The following RYK variants were observed in gnomAD, a reference collection of about 807,000 sequenced individuals.
The protein encoded by RYK is inactive tyrosine-protein kinase RYK.
Under a neutral mutation model 70.2 loss-of-function variants are expected in RYK, and 21 were observed. The ratio of observed to expected loss-of-function variants is 0.30; its 90% CI spans 0.21 to 0.43. RYK has a LOEUF of 0.43. Among genes scored for constraint, RYK ranks in the 20% least tolerant of loss-of-function variants. RYK has a pLI of 1.00. For missense variants in RYK, 604 were observed against 753.3 expected (o/e 0.80, Z 2.32); for synonymous variants, 267 against 278.0 (o/e 0.96, Z 0.39).
intron 10 of RYK, chr3:134,178,855 A>G (rs528995952): frequency 1.2e-4 from 19 of 152,362 alleles, no homozygotes; most frequent in African/African-American, 4.3e-4. Flanking sequence ...AACTTTTTAC[A>G]TAATTATATC....
chr3:134,199,089 T>C (rs1032868282), intron 6 of RYK, among the ~76,000 whole-genome samples: 9 of 152,166 alleles, frequency 5.9e-5, no homozygotes, highest in African/African-American at 2.2e-4. Context: ...GCTCTGCCTA[T>C]CCAGGACAGA....
chr3:134,201,052 T>C (rs1196634379), intron 6 of RYK, among the ~76,000 whole-genome samples: 1 of 152,250 alleles, frequency 6.6e-6, no homozygotes, highest in African/African-American at 2.4e-5. Context: ...TCTCTGGCTA[T>C]ATCAAGACTG....
At chr3:134,218,106 T>C (rs1221288995) in intron 2 of RYK, among the ~76,000 whole-genome samples, 1 of 152,354 alleles carries the variant, frequency 6.6e-6, no homozygotes, top group Middle Eastern at 3.4e-3. Flanking sequence ...TCCAAACTTA[T>C]AACCTCACTC....
chr3:134,242,953 A>T (rs1226060376), intron 1 of RYK, among the ~76,000 whole-genome samples: 1 of 152,090 alleles, frequency 6.6e-6, no homozygotes, highest in Non-Finnish European at 1.5e-5. Flanking sequence ...CTCCACCAAA[A>T]CGCCTAGGGT....
At chr3:134,182,430 T>G (rs1297029876) in intron 10 of RYK, among the ~76,000 whole-genome samples, 2 of 152,142 alleles carry the variant, frequency 1.3e-5, no homozygotes, top group Non-Finnish European at 2.9e-5. Context: ...TTATTGAAAA[T>G]ACATGCTGGA....
At chr3:134,217,133 G>T (rs1029803264) in intron 2 of RYK, among the ~76,000 whole-genome samples, 3 of 152,194 alleles carry the variant, frequency 2.0e-5, no homozygotes, top group African/African-American at 7.2e-5. Context: ...ATTACCAGAA[G>T]CTGTGATATG....
Position 134,158,268 on chromosome 3 carries a change from C to T in RYK, c.1713-4G>A. On this transcript the variant is annotated splice_polypyrimidine_tract_variant and splice_region_variant and intron_variant, in intron 14 of 14. Transcript: ENST00000623711. Reference sequence around the variant, plus strand: ...GCAACAGGCCATCACAGCAAATCTGCAGAGTGACAAAAATGAAAATTTGGG... The same window carrying T: ...GCAACAGGCCATCACAGCAAATCTGTAGAGTGACAAAAATGAAAATTTGGG... 3 of 1,538,312 alleles carry T rather than the reference C, an allele frequency of 2.0e-6. No individual in the cohort carries two copies. The highest frequency in any genetic ancestry group is 2.6e-6 in the Non-Finnish European group (3 of 1,139,884).
At chr3:134,192,281 T>C (rs1469979497) in intron 7 of RYK, among the ~76,000 whole-genome samples, 1 of 152,166 alleles carries the variant, frequency 6.6e-6, no homozygotes, top group Admixed American at 6.6e-5. Context: ...AAACAAGCTT[T>C]GATCTGTGAA....
chr3:134,218,405 T>C (rs894107953), intron 2 of RYK, among the ~76,000 whole-genome samples: 4 of 152,072 alleles, frequency 2.6e-5, no homozygotes, highest in Middle Eastern at 3.2e-3. Context: ...AAATCAACTA[T>C]TACAATATTC....
At chr3:134,178,100 A>G in intron 10 of RYK, 27 bp from the exon 11 acceptor site, 2 of 1,504,406 alleles carry the variant, frequency 1.3e-6, no homozygotes, top group Admixed American at 4.5e-5. Flanking sequence ...AATTGGGAGA[A>G]AGACAAAGGA....
At chr3:134,235,315 T>C (rs1235325294) in intron 1 of RYK, among the ~76,000 whole-genome samples, 1 of 151,084 alleles carries the variant, frequency 6.6e-6, no homozygotes, top group Non-Finnish European at 1.5e-5. Flanking sequence ...ATTTTTCTTC[T>C]TTACAAATAT....
intron 6 of RYK, 81 bp downstream of exon 6, chr3:134,202,649 T>C: frequency 8.2e-7 from 1 of 1,215,644 alleles, no homozygotes; most frequent in Non-Finnish European, 1.2e-6. Flanking sequence ...CCTGCACCAC[T>C]GTGCATCGAT....
chr3:134,169,298 T>C (rs56104814), intron 13 of RYK, among the ~76,000 whole-genome samples: 41,317 of 152,086 alleles, frequency 0.27, 6,134 homozygotes, highest in Non-Finnish European at 0.33. Flanking sequence ...AATCTCCTAA[T>C]AGAAAGTAGT....
chr3:134,205,313 T>C (rs950994432), intron 5 of RYK, among the ~76,000 whole-genome samples: 4 of 152,178 alleles, frequency 2.6e-5, no homozygotes, highest in Middle Eastern at 3.4e-3. Flanking sequence ...CACATGGAAA[T>C]AAGAAAAATA....
intron 5 of RYK, 135 bp from the exon 6 acceptor site, chr3:134,203,009 T>TAAC: frequency 1.4e-6 from 1 of 696,878 alleles, no homozygotes; most frequent in Non-Finnish European, 2.3e-6. Context: ...AGCATATTGG[T>TAAC]GGAAGTTCAC....
rs1692962373 is a variant in RYK at position 134,250,545 on chromosome 3, G to T, written c.110C>A (p.Pro37Gln). 1.7e-6 allele frequency: 2 copies of T among 1,144,638 alleles called. No individual in the cohort carries two copies. Among genetic ancestry groups the T allele is most frequent in the Admixed American group, 9.0e-5 (2 of 22,326 alleles). 70.9% of individuals were successfully genotyped at this position (1,144,638 alleles called of 1,614,324 possible). Reference sequence around the variant, plus strand: ...GGCAGCGCCAGGCGCGGGCAGCAGCGGCAACAGCGCAAGCAGAAGCAGCAG... The same window carrying T: ...GGCAGCGCCAGGCGCGGGCAGCAGCTGCAACAGCGCAAGCAGAAGCAGCAG... ...PPLLLLLALL[P>Q]LLPAPGAAAA... Residue 37 changes from proline to glutamine, a missense_variant, in exon 1 of 15, where the codon CCG (proline) becomes CAG (glutamine). By Grantham distance (76) the Pro-to-Gln change is moderately conservative (BLOSUM62 -1). This residue lies in a region of RYK where 466 missense variants were observed against 535.9 expected (regional missense o/e 0.87). Coordinates refer to ENST00000623711, the MANE Select transcript of RYK (RefSeq NM_002958.4).
At chr3:134,249,916 C>CTTTTTTTTTTTT (rs1559770716) in intron 1 of RYK, among the ~76,000 whole-genome samples, 1 of 86,594 alleles carries the variant, frequency 1.2e-5, no homozygotes, top group African/African-American at 8.1e-5. Context: ...CTTTCTCTCT[C>CTTTTTTTTTTTT]GTTTTTTTTT....
At chr3:134,208,588 C>T (rs1211006993) in intron 4 of RYK, among the ~76,000 whole-genome samples, 1 of 152,158 alleles carries the variant, frequency 6.6e-6, no homozygotes, top group African/African-American at 2.4e-5. Context: ...TGTAGTGCAG[C>T]TTTTTTATTG....
chr3:134,217,855 C>T (rs2107683042), intron 2 of RYK, among the ~76,000 whole-genome samples: 1 of 152,204 alleles, frequency 6.6e-6, no homozygotes, highest in East Asian at 1.9e-4. Flanking sequence ...ATATTATCTA[C>T]TCATAAGATT....
Sources: gnomAD v4.1 joint callset for allele counts (sites outside exome capture counted in the v4.1 genomes callset) on GRCh38, gnomAD v4.1.1 for gene constraint, gnomAD v4.1.1 regional missense constraint, MANE v1.5 for transcripts, NCBI Gene and HGNC (gene_info 2026-07-23, HGNC 2026-07-21) for gene names.